Variants in CYLD observed in about 807,000 individuals in gnomAD.
The protein encoded by CYLD is CYLD lysine 63 deubiquitinase.
Under a neutral mutation model 104.5 loss-of-function variants are expected in CYLD, and 26 were observed. The ratio of observed to expected loss-of-function variants is 0.25; its 90% CI spans 0.18 to 0.35. CYLD has a LOEUF of 0.35. CYLD is among the 10% of genes least tolerant of loss of function. The pLI is 1.00. For synonymous variants in CYLD, 385 were observed against 399.9 expected (o/e 0.96, Z 0.45); for missense variants, 703 against 1,136.1 (o/e 0.62, Z 5.48).
Position 50,766,784 on chromosome 16 carries a change from T to C in CYLD, c.914-8382T>C, listed in dbSNP as rs189018968. On this transcript the variant is annotated intron_variant, in intron 5 of 18. Coordinates refer to ENST00000427738, the MANE Select transcript of CYLD (RefSeq NM_001378743.1). ...GATGTGGTGGAAGTAGCAAAAGAGC[T>C]AGAACTAGAGGTGGAGCCTGAAAAT... is the stretch of plus-strand genomic sequence containing the variant. Among the ~76,000 whole-genome samples, 523 of 152,278 alleles carry C rather than the reference T, an allele frequency of 3.4e-3. 3 individuals are homozygous for C. Among genetic ancestry groups the C allele is most frequent in the African/African-American group, 0.012 (511 of 41,554 alleles).
At chr16:50,768,797 T>C (rs552893294) in intron 5 of CYLD, among the ~76,000 whole-genome samples, 1 of 152,270 alleles carries the variant, frequency 6.6e-6, no homozygotes, top group South Asian at 2.1e-4. Flanking sequence ...TTTTTGACGA[T>C]CTCTACGATC....
At position 50,749,663 on chromosome 16, in the gene CYLD, C is replaced by T. The variant is rs1183633894; in HGVS notation, c.-36C>T. 1 of 1,606,316 alleles carries T rather than the reference C, an allele frequency of 6.2e-7. No homozygotes were observed. Among genetic ancestry groups the T allele is most frequent in the Non-Finnish European group, 8.5e-7 (1 of 1,175,874 alleles). ...TTATGACAAAGTTATTAGTAGTTTC[C>T]CTTTTTTGAATTAGTATTTTGAAGT... On this transcript the variant is annotated 5_prime_UTR_variant, in exon 3 of 19. Transcript: ENST00000427738.
In CYLD at chr16:50,795,543, T is replaced by C. The variant is rs1488112624; in HGVS notation, c.2687-781T>C. 3 of 702,910 alleles carry C rather than the reference T, an allele frequency of 4.3e-6. No homozygotes were observed. The South Asian group carries it at 4.4e-5, about 10-fold the overall frequency. The allele number at this position is 702,910 out of a possible 1,614,324, so 43.5% of individuals were successfully genotyped here. On this transcript the variant is annotated intron_variant, in intron 18 of 18. Coordinates refer to ENST00000427738, the MANE Select transcript of CYLD (RefSeq NM_001378743.1). Reference sequence around the variant, plus strand: ...CTCCATTCTTATACCCTATTTTTCCTTTAGCTGCTCTCTCAGATCCAGCCC... The same window carrying C: ...CTCCATTCTTATACCCTATTTTTCCCTTAGCTGCTCTCTCAGATCCAGCCC...
At chr16:50,746,381 A>C (rs1966195109) in intron 2 of CYLD, among the ~76,000 whole-genome samples, 1 of 152,210 alleles carries the variant, frequency 6.6e-6, no homozygotes, top group Non-Finnish European at 1.5e-5. Flanking sequence ...GTATATCTCT[A>C]GACTCGAGCC....
chr16:50,792,556 T>C (rs1165658177), intron 15 of CYLD, 41 bp from the exon 16 acceptor site: 1 of 1,442,718 alleles, frequency 6.9e-7, no homozygotes, highest in Admixed American at 1.8e-5. Flanking sequence ...AAAGTGTTTT[T>C]TTTAACACTT....
chr16:50,776,707 C>T (rs960745874), intron 7 of CYLD, among the ~76,000 whole-genome samples: 2 of 152,186 alleles, frequency 1.3e-5, no homozygotes, highest in Admixed American at 1.3e-4. Context: ...TCTTCTCTTT[C>T]CCAGAAGCTT....
At position 50,797,695 on chromosome 16, in the gene CYLD, C is replaced by T; in HGVS notation, c.*1187C>T. The stretch of plus-strand genomic sequence containing the variant: ...GAGTGTTGTTTTGTGGTATCATTGT[C>T]TTTCCTGAATGACTTTCTAACTGTG... On this transcript the variant is annotated 3_prime_UTR_variant, in exon 19 of 19. Coordinates refer to ENST00000427738, the MANE Select transcript of CYLD (RefSeq NM_001378743.1). The T allele has an allele frequency of 4.3e-6, 1 of 232,944 alleles. No individual in the cohort carries two copies. Among genetic ancestry groups the T allele is most frequent in the Non-Finnish European group, 8.5e-6 (1 of 117,826 alleles). 14.4% of individuals were successfully genotyped at this position (232,944 alleles called of 1,614,324 possible).
At chr16:50,785,196 C>T (rs1225897473) in intron 12 of CYLD, 1 of 152,042 alleles carries the variant, frequency 6.6e-6, no homozygotes, top group African/African-American at 2.4e-5. Flanking sequence ...TTTGTTCATT[C>T]AGGAATATAG....
intron 5 of CYLD, among the ~76,000 whole-genome samples, chr16:50,761,984 C>T (rs958735139): frequency 1.3e-5 from 2 of 152,152 alleles, no homozygotes; most frequent in Non-Finnish European, 2.9e-5. Context: ...ATTCTGTCTT[C>T]CCACGTTTCA....
In CYLD at chr16:50,781,278, C is replaced by A; in HGVS notation, c.1551C>A (p.Thr517=). ...EDECAGCTDG[T]FRGTRYFTCA... is the part of the protein sequence containing the mutation. The stretch of plus-strand genomic sequence containing the variant: ...AGTGTGCAGGCTGTACGGATGGAAC[C>A]TTCAGAGGCACTCGGTATTTCACCT... Residue 517 remains threonine, a synonymous_variant, in exon 10 of 19, where the codon ACC becomes ACA. Transcript: ENST00000427738. 2 of 1,613,966 alleles carry A rather than the reference C, an allele frequency of 1.2e-6. No individual in the cohort carries two copies. Among genetic ancestry groups the A allele is most frequent in the Non-Finnish European group, 8.5e-7 (1 of 1,179,884 alleles).
chr16:50,770,564 C>T (rs1337434767), intron 5 of CYLD, among the ~76,000 whole-genome samples: 1 of 151,778 alleles, frequency 6.6e-6, no homozygotes, highest in Non-Finnish European at 1.5e-5. Flanking sequence ...GATTCTCCTG[C>T]CTCAGCCTCC....
rs1304328609 is a variant in CYLD, at chr16:50,788,329, G to T, written c.2108+477G>T. 2.0e-5 allele frequency among the ~76,000 whole-genome samples: 3 copies of T among 152,138 alleles called. No homozygotes were observed. In the East Asian group the frequency reaches 5.8e-4, roughly 29 times the overall value. ...TTGAATGAAAGCCTTGTTTAATGTA[G>T]TAAAGTTCTTAATGAAATGTTCTAA... On this transcript the variant is annotated intron_variant, in intron 14 of 18. Coordinates refer to ENST00000427738, the MANE Select transcript of CYLD (RefSeq NM_001378743.1).
At chr16:50,774,921 T>C (rs1969514860) in intron 5 of CYLD, among the ~76,000 whole-genome samples, 1 of 152,228 alleles carries the variant, frequency 6.6e-6, no homozygotes, top group Non-Finnish European at 1.5e-5. Flanking sequence ...AATTTTTGAA[T>C]TAAAATATTT....
At chr16:50,742,446 A>C in intron 1 of CYLD, 20 of 207,960 alleles carry the variant, frequency 9.6e-5, no homozygotes, top group East Asian at 3.9e-4. Flanking sequence ...GCTTCCCGGG[A>C]GGGCTGCGAG....
At chr16:50,784,231 C>CCAGA in intron 11 of CYLD, 98 bp from the exon 12 acceptor site, 1 of 1,329,864 alleles carries the variant, frequency 7.5e-7, no homozygotes, top group Non-Finnish European at 1.1e-6. Flanking sequence ...TATTTGTTCT[C>CCAGA]CAGACTTTAC....
chr16:50,786,761 C>CAA (rs369024987), intron 12 of CYLD, 94 bp from the exon 13 acceptor site: 420 of 764,916 alleles, frequency 5.5e-4, no homozygotes, highest in African/African-American at 2.3e-3. Flanking sequence ...GACTCTATCT[C>CAA]AAAAAAAAAA....
intron 5 of CYLD, among the ~76,000 whole-genome samples, chr16:50,755,758 G>A (rs138989428): frequency 1.3e-5 from 2 of 152,184 alleles, no homozygotes; most frequent in African/African-American, 4.8e-5. Flanking sequence ...ATTTGTTTGA[G>A]TTCTTTGTAG....
intron 7 of CYLD, among the ~76,000 whole-genome samples, chr16:50,777,547 C>T (rs948836005): frequency 7.9e-5 from 12 of 152,046 alleles, no homozygotes; most frequent in Admixed American, 3.9e-4. Context: ...TTTCTTAAAG[C>T]AGTTCATTTT....
intron 5 of CYLD, among the ~76,000 whole-genome samples, chr16:50,760,519 C>T (rs959978065): frequency 6.6e-6 from 1 of 151,998 alleles, no homozygotes; most frequent in Non-Finnish European, 1.5e-5. Flanking sequence ...TTCTTATTCC[C>T]CCTTCCCTTT....
Sources: gnomAD v4.1 joint callset for allele counts (sites outside exome capture counted in the v4.1 genomes callset) on GRCh38, gnomAD v4.1.1 for gene constraint, MANE v1.5 for transcripts, NCBI Gene and HGNC (gene_info 2026-07-23, HGNC 2026-07-21) for gene names.